Variants in CGNL1 observed in about 807,000 individuals in gnomAD.
The protein encoded by CGNL1 is cingulin-like protein 1.
Under a neutral mutation model 141.2 loss-of-function variants are expected in CGNL1, and 132 were observed. The observed-to-expected ratio is 0.93, with a 90% confidence interval of 0.81 to 1.08. The LOEUF is 1.08. Among genes scored for constraint, CGNL1 ranks in the 50% least tolerant of loss-of-function variants. The pLI is 0.00. For missense variants in CGNL1, 1,870 were observed against 1,588.6 expected (o/e 1.18, Z -3.01); for synonymous variants, 690 against 622.1 (o/e 1.11, Z -1.63).
intron 1 of CGNL1, among the ~76,000 whole-genome samples, chr15:57,416,442 A>G (rs1453952199): frequency 1.3e-5 from 2 of 151,972 alleles, no homozygotes; most frequent in Non-Finnish European, 2.9e-5. Context: ...CCCTGGCTAG[A>G]CCTTTGCATC....
At chr15:57,538,343 T>A (rs2032376170) in intron 14 of CGNL1, among the ~76,000 whole-genome samples, 1 of 152,284 alleles carries the variant, frequency 6.6e-6, no homozygotes, top group South Asian at 2.1e-4. Flanking sequence ...CCTGCTCAGG[T>A]CACAGTAACT....
At chr15:57,508,782 A>G (rs1728218108) in intron 8 of CGNL1, among the ~76,000 whole-genome samples, 1 of 152,234 alleles carries the variant, frequency 6.6e-6, no homozygotes, top group Non-Finnish European at 1.5e-5. Context: ...ACAGACCTGC[A>G]TCATTGGCAT....
intron 8 of CGNL1, among the ~76,000 whole-genome samples, chr15:57,505,855 T>C (rs1296838431): frequency 6.6e-6 from 1 of 152,234 alleles, no homozygotes; most frequent in African/African-American, 2.4e-5. Flanking sequence ...CATTTGTATT[T>C]AAGTTCTGAA....
Position 57,439,122 on chromosome 15 carries a change from C to A in CGNL1, c.1123C>A (p.Arg375=), listed in dbSNP as rs761630658. ...GLQRRGRSGK[R]NRINTDDRKR... ...TCAGAGAAGAGGAAGGTCTGGGAAG[C>A]GAAACAGAATTAATACAGATGACAG... is the stretch of plus-strand genomic sequence containing the variant. Residue 375 remains arginine, a synonymous_variant, in exon 2 of 19, where the codon CGA becomes AGA. Coordinates refer to ENST00000281282, the MANE Select transcript of CGNL1 (RefSeq NM_032866.5). 3 of 1,614,158 alleles carry A rather than the reference C, an allele frequency of 1.9e-6. No individual in the cohort carries two copies. The highest frequency in any genetic ancestry group is 1.3e-5 in the African/African-American group (1 of 75,022).
chr15:57,540,769 G>A (rs375328855), intron 14 of CGNL1, among the ~76,000 whole-genome samples: 41 of 152,324 alleles, frequency 2.7e-4, no homozygotes, highest in African/African-American at 8.7e-4. Context: ...TATATGGAGA[G>A]CGGGCACTTT....
At chr15:57,391,646 T>G (rs777374624) in intron 1 of CGNL1, among the ~76,000 whole-genome samples, 1 of 152,202 alleles carries the variant, frequency 6.6e-6, no homozygotes, top group African/African-American at 2.4e-5. Context: ...GGTTAAAAAG[T>G]GGTTTAAATA....
Position 57,378,363 on chromosome 15 carries a change from G to GTTTTTTTTTTTTTTTT in CGNL1, c.-16+1816_-16+1831dup, listed in dbSNP as rs71116514. 1.8e-4 allele frequency among the ~76,000 whole-genome samples: 6 copies of GTTTTTTTTTTTTTTTT among 33,938 alleles called. 1 individual carries two copies. Among genetic ancestry groups the GTTTTTTTTTTTTTTTT allele is most frequent in the Non-Finnish European group, 2.8e-4 (5 of 18,104 alleles). The allele number at this position is 33,938 out of a possible 152,430, so 22.3% of individuals were successfully genotyped here. On this transcript the variant is annotated intron_variant, in intron 1 of 18. Transcript: ENST00000281282. ...TTTCTTAGGGGGTGGCCCTCTATGT[G>GTTTTTTTTTTTTTTTT]TTTTTTTTTTTTTTTTTTTTTTTTT...
intron 1 of CGNL1, among the ~76,000 whole-genome samples, chr15:57,419,762 A>C (rs1405098267): frequency 6.6e-6 from 1 of 152,164 alleles, no homozygotes; most frequent in Non-Finnish European, 1.5e-5. Flanking sequence ...AGTGTCTGCC[A>C]GGTTTCTCCA....
intron 1 of CGNL1, among the ~76,000 whole-genome samples, chr15:57,400,118 C>A (rs560500063): frequency 6.6e-6 from 1 of 151,828 alleles, no homozygotes; most frequent in African/African-American, 2.4e-5. Context: ...CTAAGCCTCT[C>A]GAGTAGTTGG....
At position 57,516,014 on chromosome 15, in the gene CGNL1, C is replaced by T. The variant is rs189137300; in HGVS notation, c.2404-766C>T. Among the ~76,000 whole-genome samples the T allele has an allele frequency of 1.8e-3, 281 of 151,958 alleles. 1 individual carries two copies. The highest frequency in any genetic ancestry group is 6.4e-3 in the African/African-American group (267 of 41,460). ...TCTACTAAAAATATAAAAAAATTAG[C>T]CAGGCGTGGTGGCGGGCGCCTGTAG... On this transcript the variant is annotated intron_variant, in intron 8 of 18. Transcript: ENST00000281282.
At chr15:57,472,352 G>A (rs2063592622) in intron 8 of CGNL1, among the ~76,000 whole-genome samples, 1 of 152,086 alleles carries the variant, frequency 6.6e-6, no homozygotes, top group Admixed American at 6.5e-5. Flanking sequence ...ATGAGAGGAA[G>A]TAGAAGCAGA....
In CGNL1 at chr15:57,545,518, C is replaced by T. The variant is rs540251785; in HGVS notation, c.3501-74C>T. The T allele has an allele frequency of 1.5e-5, 20 of 1,376,350 alleles. No homozygotes were observed. The East Asian group carries it at 4.4e-4, about 30-fold the overall frequency. The allele number at this position is 1,376,350 out of a possible 1,614,324, so 85.3% of individuals were successfully genotyped here. A position where few individuals can be genotyped will look rare whatever the true frequency, so the allele number is the denominator to read the frequency against. ...GGCACCCCTGGCTGGAGCTTCCCCT[C>T]CTCCACAGCCTAGGCTGGGCCCCCT... On this transcript the variant is annotated intron_variant, in intron 16 of 18. Transcript: ENST00000281282.
At chr15:57,399,841 AC>A (rs1363466629) in intron 1 of CGNL1, among the ~76,000 whole-genome samples, 6 of 152,018 alleles carry the variant, frequency 3.9e-5, no homozygotes, top group Non-Finnish European at 5.9e-5. Flanking sequence ...ACATGGTGAG[AC>A]CCCATCTCCA....
intron 8 of CGNL1, among the ~76,000 whole-genome samples, chr15:57,479,153 A>G (rs1405722904): frequency 2.0e-5 from 3 of 152,222 alleles, no homozygotes; most frequent in East Asian, 3.8e-4. Flanking sequence ...CTTTTCCAGT[A>G]CATTGGCTGG....
At chr15:57,473,717 G>A (rs1316767660) in intron 8 of CGNL1, among the ~76,000 whole-genome samples, 1 of 151,978 alleles carries the variant, frequency 6.6e-6, no homozygotes, top group African/African-American at 2.4e-5. Flanking sequence ...ACCCCATGTG[G>A]CAAAGGACTG....
rs536546996 is a variant in CGNL1, at chr15:57,547,202, G to A, written c.3774-153G>A. The A allele has an allele frequency of 3.1e-4, 102 of 331,900 alleles. 1 individual carries two copies. Among genetic ancestry groups the A allele is most frequent in the African/African-American group, 2.2e-3 (97 of 44,844 alleles). 20.6% of individuals were successfully genotyped at this position (331,900 alleles called of 1,614,324 possible). A position where few individuals can be genotyped will look rare whatever the true frequency, so the allele number is the denominator to read the frequency against. Reference sequence around the variant, plus strand: ...CGGTGGACTCCCTGTGGCTGAAGGGGCCATCAGGTGGAGACCTGTTACATT... The same window carrying A: ...CGGTGGACTCCCTGTGGCTGAAGGGACCATCAGGTGGAGACCTGTTACATT... On this transcript the variant is annotated intron_variant, in intron 18 of 18. Transcript: ENST00000281282.
intron 13 of CGNL1, among the ~76,000 whole-genome samples, chr15:57,530,596 C>A (rs1281089456): frequency 1.3e-5 from 2 of 152,148 alleles, no homozygotes; most frequent in African/African-American, 4.8e-5. Context: ...TATAGTGAGA[C>A]TGGTCTTGGA....
chr15:57,422,952 G>T (rs1293290778), intron 1 of CGNL1, among the ~76,000 whole-genome samples: 1 of 152,130 alleles, frequency 6.6e-6, no homozygotes, highest in Non-Finnish European at 1.5e-5. Flanking sequence ...TTTGCCTTGA[G>T]AATGTGATTT....
At position 57,545,580 on chromosome 15, in the gene CGNL1, C is replaced by A; in HGVS notation, c.3501-12C>A. On this transcript the variant is annotated splice_polypyrimidine_tract_variant and intron_variant, in intron 16 of 18. Coordinates refer to ENST00000281282, the MANE Select transcript of CGNL1 (RefSeq NM_032866.5). ...AGTGAGAGGGTTCTTGGTTCTGTCT[C>A]CCCTCTTCCAGGGATCGGGCCAATC... 1.2e-6 allele frequency: 2 copies of A among 1,608,988 alleles called. No individual in the cohort carries two copies. Among genetic ancestry groups the A allele is most frequent in the South Asian group, 1.1e-5 (1 of 89,956 alleles).
Sources: allele counts gnomAD v4.1 joint callset (sites outside exome capture counted in the v4.1 genomes callset), GRCh38; gene constraint gnomAD v4.1.1; transcripts MANE v1.5; gene names NCBI Gene and HGNC (gene_info 2026-07-23, HGNC 2026-07-21).